Variants in DLG5 observed in about 807,000 individuals in gnomAD.
DLG5 encodes discs large MAGUK scaffold protein 5, also known as disks large homolog 5.
DLG5 carries 48 observed loss-of-function variants against 189.8 expected under a neutral mutation model. The observed-to-expected ratio is 0.25, with a 90% CI of 0.20 to 0.32. The LOEUF (loss-of-function observed/expected upper bound fraction) is 0.32. Ranked by LOEUF, DLG5 falls within the 10% of genes least tolerant of loss-of-function variation. DLG5 has a pLI of 1.00. For synonymous variants in DLG5, 1,016 were observed against 1,054.1 expected, an observed-to-expected ratio of 0.96 and a Z score of 0.70; for missense variants, 2,160 against 2,544.7, an observed-to-expected ratio of 0.85 and a Z score of 3.25.
rs191829347 is a variant in DLG5, at chr10:77,835,473, C to T, written c.1622+265G>A. The stretch of plus-strand genomic sequence containing the variant: ...ACCCTCAAATAAAAGAGGTCGGCCT[C>T]GTGCCCCTTCACAGCGGTCTCACGT... On this transcript the variant is annotated intron_variant, in intron 8 of 31. Transcript: ENST00000372391. Among the ~76,000 whole-genome samples, 96 of 152,326 alleles carry T rather than the reference C, an allele frequency of 6.3e-4. 1 individual carries two copies. The highest frequency in any genetic ancestry group is 2.2e-3 in the African/African-American group (93 of 41,562).
chr10:77,905,546 C>G (rs1049220268), intron 1 of DLG5, among the ~76,000 whole-genome samples: 1 of 152,216 alleles, frequency 6.6e-6, no homozygotes, highest in South Asian at 2.1e-4. Context: ...GCTGTGTCAA[C>G]TATCACATGA....
At chr10:77,847,089 C>A (rs1401375056) in intron 5 of DLG5, among the ~76,000 whole-genome samples, 1 of 152,114 alleles carries the variant, frequency 6.6e-6, no homozygotes, top group Non-Finnish European at 1.5e-5. Context: ...GATTCAGGGC[C>A]GTGTGAATCA....
At chr10:77,918,411 C>CA (rs547250164) in intron 1 of DLG5, among the ~76,000 whole-genome samples, 1,831 of 132,314 alleles carry the variant, frequency 0.014, 21 homozygotes, top group African/African-American at 0.033. Flanking sequence ...GACTCTGTAT[C>CA]AAAAAAAAAA....
intron 1 of DLG5, among the ~76,000 whole-genome samples, chr10:77,911,356 A>G (rs1376036685): frequency 6.6e-6 from 1 of 152,216 alleles, no homozygotes; most frequent in Non-Finnish European, 1.5e-5. Flanking sequence ...CCTGGGCTCA[A>G]GCAATCCGCC....
intron 1 of DLG5, among the ~76,000 whole-genome samples, chr10:77,906,960 C>A (rs1846087688): frequency 6.6e-6 from 1 of 152,040 alleles, no homozygotes; most frequent in African/African-American, 2.4e-5. Flanking sequence ...ATCACATCAT[C>A]CTTCTATTGA....
At chr10:77,893,663 C>T (rs1005383931) in intron 1 of DLG5, among the ~76,000 whole-genome samples, 5 of 152,222 alleles carry the variant, frequency 3.3e-5, no homozygotes, top group African/African-American at 7.2e-5. Flanking sequence ...TGGACGGTCC[C>T]GTGCTTGGGG....
intron 20 of DLG5, among the ~76,000 whole-genome samples, chr10:77,814,080 T>C (rs1841915308): frequency 6.6e-6 from 1 of 151,794 alleles, no homozygotes. Context: ...TGGGTTCCAA[T>C]GATTCTCCTG....
chr10:77,897,968 C>G lies in DLG5; in HGVS notation c.304+28249G>C, dbSNP rs147925900. ...ATCTCCTTTCCCATAGATAGCATAG[C>G]CCCTGAGGCTCCCCAGAGACCCTCC... On this transcript the variant is annotated intron_variant, in intron 1 of 31. Coordinates refer to ENST00000372391, the MANE Select transcript of DLG5 (RefSeq NM_004747.4). Among the ~76,000 whole-genome samples the G allele has an allele frequency of 3.5e-3, 533 of 152,270 alleles. 2 individuals are homozygous for G. The highest frequency in any genetic ancestry group is 0.018 in the South Asian group (89 of 4,824).
At chr10:77,848,331 G>A (rs947296649) in intron 5 of DLG5, among the ~76,000 whole-genome samples, 2 of 152,070 alleles carry the variant, frequency 1.3e-5, no homozygotes, top group Admixed American at 1.3e-4. Context: ...AGGATACCTG[G>A]GACAAGAAAA....
rs552035880 is a variant in DLG5 at position 77,853,853 on chromosome 10, G to A, written c.681-316C>T. Among the ~76,000 whole-genome samples, 7 of 152,270 alleles carry A rather than the reference G, an allele frequency of 4.6e-5. No homozygotes were observed. The South Asian group carries it at 1.2e-3, about 27-fold the overall frequency. On this transcript the variant is annotated intron_variant, in intron 4 of 31. Transcript: ENST00000372391. ...TGGACAGATATCAGCAGGTGGGCAG[G>A]CAAAGACCCTCAGAGGGATGCTGGG...
At chr10:77,833,180 G>C (rs1842959002) in intron 9 of DLG5, among the ~76,000 whole-genome samples, 1 of 152,130 alleles carries the variant, frequency 6.6e-6, no homozygotes, top group South Asian at 2.1e-4. Context: ...CTTAAACCCT[G>C]ATCTTTGTAT....
At position 77,924,342 on chromosome 10, in the gene DLG5, C is replaced by T. The variant is rs1213182085; in HGVS notation, c.304+1875G>A. ...CCTAATCTCTGCCTTCCTTAGAGGT[C>T]AAGACTAGCTCCTAGAACTTCAGCC... On this transcript the variant is annotated intron_variant, in intron 1 of 31. Transcript: ENST00000372391. 3.3e-5 allele frequency among the ~76,000 whole-genome samples: 5 copies of T among 152,280 alleles called. No homozygotes were observed. The East Asian group carries it at 9.7e-4, about 29-fold the overall frequency.
intron 1 of DLG5, among the ~76,000 whole-genome samples, chr10:77,871,036 C>T (rs112570586): frequency 6.6e-6 from 1 of 152,176 alleles, no homozygotes; most frequent in Non-Finnish European, 1.5e-5. Flanking sequence ...CAGGCGTGAC[C>T]GGCAATGACC....
chr10:77,812,275 C>T lies in DLG5; in HGVS notation c.4128G>A (p.Lys1376=). The T allele has an allele frequency of 6.2e-7, 1 of 1,614,214 alleles. No homozygotes were observed. Among genetic ancestry groups the T allele is most frequent in the East Asian group, 2.2e-5 (1 of 44,886 alleles). ...GGTGAGCGATGCTCCCCACGGTCAC[C>T]TTGGAGACGTAGATGCCGCCCTTCT... ...SGEKGGIYVS[K]VTVGSIAHQA... is the part of the protein sequence containing the mutation. The change falls in exon 21 of 32, where the codon AAG becomes AAA. Residue 1376 remains lysine, a synonymous_variant. Coordinates refer to ENST00000372391, the MANE Select transcript of DLG5 (RefSeq NM_004747.4).
chr10:77,911,655 G>A (rs900324606), intron 1 of DLG5, among the ~76,000 whole-genome samples: 5 of 152,040 alleles, frequency 3.3e-5, no homozygotes, highest in Admixed American at 3.3e-4. Context: ...TGAAGAAGAG[G>A]TTTGAGAGGC....
At chr10:77,809,428 C>T (rs1224765967) in intron 24 of DLG5, 119 bp downstream of exon 24, 2 of 1,178,740 alleles carry the variant, frequency 1.7e-6, no homozygotes, top group Non-Finnish European at 2.4e-6. Flanking sequence ...AAAAGTCAGC[C>T]CTGACTGGCT....
chr10:77,812,714 C>CTGGG (rs1384205238), intron 20 of DLG5, among the ~76,000 whole-genome samples: 2 of 152,236 alleles, frequency 1.3e-5, no homozygotes, highest in Non-Finnish European at 2.9e-5. Context: ...ATTACAAACT[C>CTGGG]TGGGGGGTCT....
At chr10:77,852,442 A>G (rs68129161) in intron 5 of DLG5, among the ~76,000 whole-genome samples, 38,708 of 151,716 alleles carry the variant, frequency 0.26, 5,504 homozygotes, top group Admixed American at 0.39. Context: ...TTGAGGCAGA[A>G]TCTTGCTCTG....
At chr10:77,847,802 G>A (rs1199774161) in intron 5 of DLG5, among the ~76,000 whole-genome samples, 1 of 151,994 alleles carries the variant, frequency 6.6e-6, no homozygotes, top group Admixed American at 6.5e-5. Context: ...AACCTCCCAG[G>A]CTCAAGTGAT....
Sources: gnomAD v4.1 joint callset for allele counts (sites outside exome capture counted in the v4.1 genomes callset) on GRCh38, gnomAD v4.1.1 for gene constraint, MANE v1.5 for transcripts, NCBI Gene and HGNC (gene_info 2026-07-23, HGNC 2026-07-21) for gene names.